KLF12: variants seen among roughly 807,000 people sequenced by gnomAD.
The protein encoded by KLF12 is KLF transcription factor 12.
Under a neutral mutation model 37.8 loss-of-function variants are expected in KLF12, and 9 were observed. The observed-to-expected ratio is 0.24, with a 90% confidence interval of 0.14 to 0.42. The LOEUF (loss-of-function observed/expected upper bound fraction) is 0.42, where lower values mean the gene tolerates loss of function less well. Ranked by LOEUF, KLF12 falls within the 10% of genes least tolerant of loss-of-function variation. KLF12 has a pLI of 1.00. For missense variants in KLF12, 411 were observed against 516.0 expected (o/e 0.80, Z 1.97); for synonymous variants, 208 against 202.1 (o/e 1.03, Z -0.25).
chr13:74,276,756 G>C, the KLF12 span, among the ~76,000 whole-genome samples: 4 of 152,072 alleles, frequency 2.6e-5, no homozygotes, highest in Non-Finnish European at 5.9e-5. Flanking sequence ...CATCTGTCAG[G>C]CTACCCCGTT....
chr13:74,037,203 CAAAAAAA>C (rs200460958), intron 1 of KLF12, among the ~76,000 whole-genome samples: 1 of 69,772 alleles, frequency 1.4e-5, no homozygotes, highest in Non-Finnish European at 3.0e-5. Flanking sequence ...ACTCCGTCTC[CAAAAAAA>C]AAAAAAAAAA....
intron 3 of KLF12, among the ~76,000 whole-genome samples, chr13:73,922,691 A>G (rs1889172296): frequency 6.6e-6 from 1 of 152,174 alleles, no homozygotes; most frequent in Admixed American, 6.5e-5. Context: ...AATAAATTAA[A>G]AGACAGTGAA....
rs547156810 is a variant in KLF12, at chr13:74,065,974, C to T, written c.-32+67765G>A. Among the ~76,000 whole-genome samples, 29 of 152,182 alleles carry T rather than the reference C, an allele frequency of 1.9e-4. 1 individual carries two copies. The South Asian group carries it at 6.0e-3, about 32-fold the overall frequency. On this transcript the variant is annotated intron_variant, in intron 1 of 7. Coordinates refer to ENST00000377669, the MANE Select transcript of KLF12 (RefSeq NM_007249.5). The stretch of plus-strand genomic sequence containing the variant: ...TAGCTGATACAGTAATTCACATGTA[C>T]ATAGAAGACATTCCTGGGGACGCGG...
At chr13:74,046,475 T>G (rs1433046288) in intron 1 of KLF12, among the ~76,000 whole-genome samples, 1 of 151,978 alleles carries the variant, frequency 6.6e-6, no homozygotes, top group Non-Finnish European at 1.5e-5. Flanking sequence ...TTTCACTTTT[T>G]TGAAAAAGGA....
intron 1 of KLF12, among the ~76,000 whole-genome samples, chr13:74,047,752 A>G (rs1255322448): frequency 6.6e-6 from 1 of 152,242 alleles, no homozygotes; most frequent in Non-Finnish European, 1.5e-5. Flanking sequence ...TACTAGTCAA[A>G]TTGCCACATG....
intron 5 of KLF12, among the ~76,000 whole-genome samples, chr13:73,807,292 A>G (rs1302188037): frequency 3.4e-5 from 5 of 147,832 alleles, no homozygotes; most frequent in Non-Finnish European, 7.4e-5. Flanking sequence ...CTGGGTGACA[A>G]GAGTGAAATT....
the KLF12 span, among the ~76,000 whole-genome samples, chr13:74,154,874 T>G: frequency 6.6e-6 from 1 of 152,332 alleles, no homozygotes; most frequent in East Asian, 1.9e-4. Flanking sequence ...GAACAGGACA[T>G]CTTGTTTCTT....
intron 3 of KLF12, among the ~76,000 whole-genome samples, chr13:73,929,675 T>A (rs943626144): frequency 2.6e-5 from 4 of 152,124 alleles, no homozygotes; most frequent in African/African-American, 9.7e-5. Context: ...CTAGGTCTGC[T>A]CCAGTAAAAA....
intron 1 of KLF12, among the ~76,000 whole-genome samples, chr13:74,120,593 A>T (rs1301176767): frequency 6.6e-6 from 1 of 152,094 alleles, no homozygotes; most frequent in Non-Finnish European, 1.5e-5. Flanking sequence ...AAACCCTGGA[A>T]CTAGCAAAAA....
the KLF12 span, among the ~76,000 whole-genome samples, chr13:74,275,683 T>G: frequency 6.6e-6 from 1 of 151,810 alleles, no homozygotes; most frequent in Non-Finnish European, 1.5e-5. Flanking sequence ...TTTTGGGTAT[T>G]TTTGTTTGTA....
chr13:74,059,279 T>C (rs80048361), intron 1 of KLF12, among the ~76,000 whole-genome samples: 12,913 of 152,288 alleles, frequency 0.085, 739 homozygotes, highest in Admixed American at 0.15. Context: ...GAATGATTTA[T>C]CTTCCTTTGG....
chr13:74,283,948 C>T, the KLF12 span, among the ~76,000 whole-genome samples: 2 of 151,678 alleles, frequency 1.3e-5, no homozygotes, highest in Non-Finnish European at 2.9e-5. Context: ...CAAGCTCCGC[C>T]TCCTGGGTTC....
the KLF12 span, among the ~76,000 whole-genome samples, chr13:74,189,194 G>GA: frequency 1.3e-5 from 2 of 151,974 alleles, no homozygotes; most frequent in African/African-American, 4.8e-5. Flanking sequence ...ACACATTTTG[G>GA]AAAAAATGTT....
intron 5 of KLF12, among the ~76,000 whole-genome samples, chr13:73,796,951 C>A (rs944507241): frequency 2.6e-5 from 4 of 152,092 alleles, no homozygotes; most frequent in Non-Finnish European, 4.4e-5. Flanking sequence ...CGATTCCATA[C>A]ATGAAGATCT....
the KLF12 span, among the ~76,000 whole-genome samples, chr13:74,296,750 A>G: frequency 6.6e-6 from 1 of 152,206 alleles, no homozygotes; most frequent in Non-Finnish European, 1.5e-5. Flanking sequence ...ATCACATAAG[A>G]GAGCTTATTC....
intron 5 of KLF12, chr13:73,801,855 A>G (rs1882294282): frequency 6.6e-6 from 1 of 152,200 alleles, no homozygotes; most frequent in Non-Finnish European, 1.5e-5. Flanking sequence ...AGTTCTATCC[A>G]TGGTGTAATT....
At chr13:74,054,407 G>C (rs544927139) in intron 1 of KLF12, among the ~76,000 whole-genome samples, 1 of 152,266 alleles carries the variant, frequency 6.6e-6, no homozygotes, top group Non-Finnish European at 1.5e-5. Context: ...AAAATCCCAC[G>C]GAGAGTCAGC....
intron 5 of KLF12, among the ~76,000 whole-genome samples, chr13:73,794,041 G>A (rs1293665843): frequency 6.6e-6 from 1 of 151,960 alleles, no homozygotes; most frequent in African/African-American, 2.4e-5. Context: ...TCTGGTTGCA[G>A]GAAAAAAAAA....
intron 1 of KLF12, among the ~76,000 whole-genome samples, chr13:74,084,522 C>T (rs1405539086): frequency 2.0e-5 from 3 of 152,154 alleles, no homozygotes; most frequent in South Asian, 2.1e-4. Context: ...ACCATGATAG[C>T]GGCAAATTTT....
Sources: allele counts gnomAD v4.1 joint callset (sites outside exome capture counted in the v4.1 genomes callset), GRCh38; gene constraint gnomAD v4.1.1; transcripts MANE v1.5; gene names NCBI Gene and HGNC (gene_info 2026-07-23, HGNC 2026-07-21).